IQCH: variants seen among roughly 807,000 people sequenced by gnomAD.
The protein encoded by IQCH is IQ motif containing H.
A neutral mutation model predicts 117.0 loss-of-function variants in IQCH; 98 were observed. The observed-to-expected ratio is 0.84, with a 90% confidence interval of 0.71 to 0.99. The LOEUF (loss-of-function observed/expected upper bound fraction) is 0.99, where lower values mean the gene tolerates loss of function less well. Ranked by LOEUF, IQCH falls within the 50% of genes least tolerant of loss-of-function variation. IQCH has a pLI of 0.00. For missense variants in IQCH, 1,102 were observed against 1,243.8 expected (o/e 0.89, Z 1.72); for synonymous variants, 412 against 448.2 (o/e 0.92, Z 1.02).
rs188752987 is a variant in IQCH, at chr15:67,281,054, C to T, written c.387+1542C>T. 7.0e-4 allele frequency among the ~76,000 whole-genome samples: 106 copies of T among 152,120 alleles called. 4 individuals are homozygous for T. In the East Asian group the frequency reaches 0.012, roughly 17 times the overall value. On this transcript the variant is annotated intron_variant, in intron 4 of 20. Transcript: ENST00000335894. Reference sequence around the variant, plus strand: ...AGAGATGGGGTTTCACCATCTTGGCCGGGCTGGTCTTGAACTCCCGACCTC... The same window carrying T: ...AGAGATGGGGTTTCACCATCTTGGCTGGGCTGGTCTTGAACTCCCGACCTC...
At position 67,393,047 on chromosome 15, in the gene IQCH, ACTAT is replaced by A. The variant is rs1971339468; in HGVS notation, c.1633-2242_1633-2239del. Among the ~76,000 whole-genome samples the A allele has an allele frequency of 6.6e-6, 1 of 152,108 alleles. No homozygotes were observed. The highest frequency in any genetic ancestry group is 1.5e-5 in the Non-Finnish European group (1 of 68,022). On this transcript the variant is annotated intron_variant, in intron 12 of 20. Transcript: ENST00000335894. The surrounding 1 kb of genome is among the most constrained non-coding windows in gnomAD (Gnocchi z 5.5). ...TTCACATTGTTGTACAACCATTACC[ACTAT>A]CAATTTCAGAACTTTTTATCATCCC... is the stretch of plus-strand genomic sequence containing the variant.
chr15:67,349,800 A>C (rs555049481), intron 6 of IQCH, among the ~76,000 whole-genome samples: 1 of 152,344 alleles, frequency 6.6e-6, no homozygotes, highest in South Asian at 2.1e-4. Context: ...TATGGATAGT[A>C]AATAGATACA....
At chr15:67,361,332 A>G (rs773405324) in intron 8 of IQCH, among the ~76,000 whole-genome samples, 2 of 152,222 alleles carry the variant, frequency 1.3e-5, no homozygotes, top group African/African-American at 2.4e-5. Flanking sequence ...TAATGTCTTA[A>G]GTGGATTATC....
Position 67,465,324 on chromosome 15 carries a change from T to C in IQCH, c.2676+27T>C. 1 of 1,605,090 alleles carries C rather than the reference T, an allele frequency of 6.2e-7. No individual in the cohort carries two copies. Among genetic ancestry groups the C allele is most frequent in the Non-Finnish European group, 8.5e-7 (1 of 1,178,758 alleles). ...TAAGCAAGAGGTGCTTCCTGAAGGT[T>C]CTCGGTGTTCAGCAACACCCACTGC... On this transcript the variant is annotated intron_variant, in intron 17 of 20. Coordinates refer to ENST00000335894, the MANE Select transcript of IQCH (RefSeq NM_001031715.3). This position sits in a 1 kb window ranked among gnomAD's most constrained non-coding sequence, Gnocchi z 5.9.
At chr15:67,321,836 G>A (rs973024770) in intron 4 of IQCH, among the ~76,000 whole-genome samples, 1 of 152,136 alleles carries the variant, frequency 6.6e-6, no homozygotes, top group African/African-American at 2.4e-5. Flanking sequence ...AATATACTCT[G>A]TACAGTTTCA....
At position 67,421,364 on chromosome 15, in the gene IQCH, C is replaced by T. The variant is rs760107800; in HGVS notation, c.2292C>T (p.Asn764=). 65 of 1,614,142 alleles carry T rather than the reference C, an allele frequency of 4.0e-5. No individual in the cohort carries two copies. Among genetic ancestry groups the T allele is most frequent in the South Asian group, 2.7e-4 (25 of 91,088 alleles). ...NLTVDMLIEP[N]GKISVLSTGD... Reference sequence around the variant, plus strand: ...CAGTGGACATGCTGATAGAGCCCAACGGGAAAATCAGCGTGCTGTCGACAG... The same window carrying T: ...CAGTGGACATGCTGATAGAGCCCAATGGGAAAATCAGCGTGCTGTCGACAG... The change falls in exon 16 of 21, where the codon AAC becomes AAT. Residue 764 remains asparagine (N), a synonymous_variant. Transcript: ENST00000335894.
chr15:67,453,908 C>T lies in IQCH; in HGVS notation c.2506-11219C>T, dbSNP rs950671438. On this transcript the variant is annotated intron_variant, in intron 16 of 20. Transcript: ENST00000335894. This position sits in a 1 kb window ranked among gnomAD's most constrained non-coding sequence, Gnocchi z 5.8. ...TTCCCGGCCGCTTTGTTTACGTAAT[C>T]AAACAACTAACTCGGCAATGGCGGG... Among the ~76,000 whole-genome samples the T allele has an allele frequency of 1.3e-5, 2 of 152,200 alleles. No homozygotes were observed. The highest frequency in any genetic ancestry group is 4.8e-5 in the African/African-American group (2 of 41,464).
chr15:67,434,167 C>T (rs551935970), intron 16 of IQCH, among the ~76,000 whole-genome samples: 2 of 152,206 alleles, frequency 1.3e-5, no homozygotes, highest in East Asian at 1.9e-4. Context: ...CCATGCTATA[C>T]GTTAGGTCTC....
At chr15:67,389,086 G>A (rs565704717) in intron 12 of IQCH, 80 bp downstream of exon 12, 1 of 1,055,160 alleles carries the variant, frequency 9.5e-7, no homozygotes, top group African/African-American at 1.6e-5. Context: ...GCAACGCTCT[G>A]GTACACATCA....
intron 3 of IQCH, among the ~76,000 whole-genome samples, chr15:67,264,489 C>T (rs1428483814): frequency 6.6e-6 from 1 of 152,200 alleles, no homozygotes; most frequent in Non-Finnish European, 1.5e-5. Flanking sequence ...TCCAAGCTCA[C>T]TCATATAGTT....
In IQCH at chr15:67,466,147, G is replaced by C. The variant is rs2082926944; in HGVS notation, c.2676+850G>C. ...TGCTAGCTCCATCAGTGAGGGGGCT[G>C]GGGCCAGAGTCCTGGGGCTGGCTGC... On this transcript the variant is annotated intron_variant, in intron 17 of 20. Transcript: ENST00000335894. This position sits in a 1 kb window ranked among gnomAD's most constrained non-coding sequence, Gnocchi z 4.4. Among the ~76,000 whole-genome samples the C allele has an allele frequency of 6.6e-6, 1 of 152,212 alleles. No homozygotes were observed.
rs1420584079 is a variant in IQCH at position 67,432,555 on chromosome 15, A to C, written c.2505+10978A>C. On this transcript the variant is annotated intron_variant, in intron 16 of 20. Transcript: ENST00000335894. This position sits in a 1 kb window ranked among gnomAD's most constrained non-coding sequence, Gnocchi z 5.0. ...ATGTTCTGAGAGGCTAAGCAGATAT[A>C]AGGTGATGTTCTTATTAAATCAAAT... Among the ~76,000 whole-genome samples the C allele has an allele frequency of 6.6e-5, 10 of 152,152 alleles. No individual in the cohort carries two copies. The highest frequency in any genetic ancestry group is 5.9e-4 in the Admixed American group (9 of 15,274).
chr15:67,384,904 T>G lies in IQCH; in HGVS notation c.1373-32T>G. On this transcript the variant is annotated intron_variant, in intron 10 of 20. Coordinates refer to ENST00000335894, the MANE Select transcript of IQCH (RefSeq NM_001031715.3). The surrounding 1 kb of genome is among the most constrained non-coding windows in gnomAD (Gnocchi z 4.3). ...CCATTTTGCTATATCGACTTGCTCTTTCTGTGTTTTGACACCTTGTTTGCC... is the reference window on the plus strand; with the variant it reads ...CCATTTTGCTATATCGACTTGCTCTGTCTGTGTTTTGACACCTTGTTTGCC... 1 of 1,367,766 alleles carries G rather than the reference T, an allele frequency of 7.3e-7. No homozygotes were observed. Among genetic ancestry groups the G allele is most frequent in the Non-Finnish European group, 1.0e-6 (1 of 956,394 alleles). 84.7% of individuals were successfully genotyped at this position (1,367,766 alleles called of 1,614,324 possible).
Position 67,446,229 on chromosome 15 carries a change from G to C in IQCH, c.2506-18898G>C, listed in dbSNP as rs2082388270. On this transcript the variant is annotated intron_variant, in intron 16 of 20. Coordinates refer to ENST00000335894, the MANE Select transcript of IQCH (RefSeq NM_001031715.3). ...CACTTGTTAAAGAAAGAAATTTGAA[G>C]AAAGTAATTTCATGATGATTTTCTA... 2.6e-5 allele frequency among the ~76,000 whole-genome samples: 4 copies of C among 152,160 alleles called. No individual in the cohort carries two copies. The South Asian group carries it at 8.3e-4, about 32-fold the overall frequency.
rs1202837339 is a variant in IQCH at position 67,457,391 on chromosome 15, G to A, written c.2506-7736G>A. 6.6e-6 allele frequency among the ~76,000 whole-genome samples: 1 copy of A among 152,190 alleles called. No homozygotes were observed. The highest frequency in any genetic ancestry group is 2.4e-5 in the African/African-American group (1 of 41,444). On this transcript the variant is annotated intron_variant, in intron 16 of 20. Coordinates refer to ENST00000335894, the MANE Select transcript of IQCH (RefSeq NM_001031715.3). This position sits in a 1 kb window ranked among gnomAD's most constrained non-coding sequence, Gnocchi z 5.7. ...AATATGTCATTTAGTAACTGCCTAA[G>A]AAAACGTGTTCTGTTTATAATAGCT...
Position 67,261,282 on chromosome 15 carries a change from A to T in IQCH, c.62A>T (p.Asp21Val), listed in dbSNP as rs759866060. 12 of 1,535,688 alleles carry T rather than the reference A, an allele frequency of 7.8e-6. No homozygotes were observed. The highest frequency in any genetic ancestry group is 1.4e-5 in the African/African-American group (1 of 71,120). Residue 21 changes from aspartate (D) to valine (V), a missense_variant, in exon 2 of 21, where the codon GAC becomes GTC. This residue lies in a region of IQCH where 452 missense variants were observed against 449.6 expected (regional missense o/e 1.01). Transcript: ENST00000335894. ...TTTTTATACCTATAGATCCATGAAGACCTTTATCAGTTAAAGGAGAAATTA... is the reference window on the plus strand; with the variant it reads ...TTTTTATACCTATAGATCCATGAAGTCCTTTATCAGTTAAAGGAGAAATTA... ...VGSILIQIHE[D>V]LYQLKEKLTK...
In IQCH at chr15:67,401,880, GA is replaced by G. The variant is rs1971675241; in HGVS notation, c.2097+1576del. On this transcript the variant is annotated intron_variant, in intron 14 of 20. Coordinates refer to ENST00000335894, the MANE Select transcript of IQCH (RefSeq NM_001031715.3). This position sits in a 1 kb window ranked among gnomAD's most constrained non-coding sequence, Gnocchi z 4.7. Reference sequence around the variant, plus strand: ...ACTGGATTTTATTTCGTATTGTATAGATTTTTTTTAAAGCAACACTGTTAAG... The same window carrying G: ...ACTGGATTTTATTTCGTATTGTATAGTTTTTTTTAAAGCAACACTGTTAAG... 6.6e-6 allele frequency among the ~76,000 whole-genome samples: 1 copy of G among 152,152 alleles called. No homozygotes were observed. Among genetic ancestry groups the G allele is most frequent in the African/African-American group, 2.4e-5 (1 of 41,520 alleles).
Position 67,387,738 on chromosome 15 carries a change from T to C in IQCH, c.1457-1093T>C, listed in dbSNP as rs1484507852. Among the ~76,000 whole-genome samples, 1 of 152,208 alleles carries C rather than the reference T, an allele frequency of 6.6e-6. No homozygotes were observed. The highest frequency in any genetic ancestry group is 1.5e-5 in the Non-Finnish European group (1 of 68,030). The stretch of plus-strand genomic sequence containing the variant: ...ATATCTTCACTCATTTAATAGTGTC[T>C]AAAACTCTATGCCCCAGGTGGTTTT... On this transcript the variant is annotated intron_variant, in intron 11 of 20. Transcript: ENST00000335894. The surrounding 1 kb of genome is among the most constrained non-coding windows in gnomAD (Gnocchi z 4.8).
intron 6 of IQCH, among the ~76,000 whole-genome samples, chr15:67,352,930 G>A (rs975270248): frequency 7.9e-5 from 12 of 152,114 alleles, no homozygotes; most frequent in African/African-American, 2.4e-4. Context: ...GGTGGATCAC[G>A]AGGTCAAGTG....
Sources: gnomAD v4.1 joint callset for allele counts (sites outside exome capture counted in the v4.1 genomes callset) on GRCh38, gnomAD v4.1.1 for gene constraint, gnomAD v4.1.1 regional missense constraint, Gnocchi (gnomAD v3.1) non-coding constraint, MANE v1.5 for transcripts, NCBI Gene and HGNC (gene_info 2026-07-23, HGNC 2026-07-21) for gene names.